DPP10: variants seen among roughly 807,000 people sequenced by gnomAD.
DPP10 encodes inactive dipeptidyl peptidase 10.
In DPP10, 33 loss-of-function variants were observed where a neutral mutation model predicts 120.9. The ratio of observed to expected loss-of-function variants is 0.27; its 90% CI spans 0.21 to 0.37. The LOEUF is 0.37. Among genes scored for constraint, DPP10 ranks in the 10% least tolerant of loss-of-function variants. The probability of loss-of-function intolerance (pLI) is 1.00; values close to 1 mark genes in which losing one functional copy is unlikely to be tolerated. For missense variants in DPP10, 816 were observed against 942.8 expected (o/e 0.87, Z 1.76); for synonymous variants, 337 against 326.1 (o/e 1.03, Z -0.36).
intron 1 of DPP10, chr2:115,064,641 T>C (rs1706693057): frequency 3.1e-6 from 4 of 1,277,008 alleles, no homozygotes; most frequent in East Asian, 1.1e-4. Context: ...TATATGTGAA[T>C]AGCAAAGTGT....
chr2:115,489,570 T>G (rs1244037394), intron 3 of DPP10, among the ~76,000 whole-genome samples: 1 of 150,946 alleles, frequency 6.6e-6, no homozygotes, highest in African/African-American at 2.4e-5. Context: ...AAGGCAAAGG[T>G]TAAGTCCCAT....
chr2:114,593,847 C>G (rs2105177428), intron 1 of DPP10, among the ~76,000 whole-genome samples: 1 of 152,214 alleles, frequency 6.6e-6, no homozygotes, highest in South Asian at 2.1e-4. Context: ...ATAGCATGCC[C>G]ACTTGCAACA....
rs541112437 is a variant in DPP10 at position 114,867,694 on chromosome 2, C to A, written c.60+424856C>A. Among the ~76,000 whole-genome samples, 7 of 152,352 alleles carry A rather than the reference C, an allele frequency of 4.6e-5. No individual in the cohort carries two copies. The East Asian group carries it at 9.6e-4, about 21-fold the overall frequency. On this transcript the variant is annotated intron_variant, in intron 1 of 25. Transcript: ENST00000410059. ...AGCTAAAGCTTGCTAAAACTGAAAC[C>A]ATTTTCATGCCTCCACGATGTCATG... is the stretch of plus-strand genomic sequence containing the variant.
intron 1 of DPP10, among the ~76,000 whole-genome samples, chr2:114,757,601 T>C (rs1044421750): frequency 2.0e-4 from 30 of 152,164 alleles, no homozygotes; most frequent in African/African-American, 7.0e-4. Flanking sequence ...GCAGCATTTT[T>C]AACTTACCAT....
intron 3 of DPP10, among the ~76,000 whole-genome samples, chr2:115,362,305 C>T (rs1034494521): frequency 5.9e-5 from 9 of 152,086 alleles, no homozygotes; most frequent in African/African-American, 1.9e-4. Context: ...GGCCAGATAC[C>T]ATGCTCTGCA....
intron 1 of DPP10, among the ~76,000 whole-genome samples, chr2:114,968,705 A>G (rs1464988365): frequency 3.3e-5 from 5 of 152,180 alleles, no homozygotes; most frequent in African/African-American, 7.2e-5. Flanking sequence ...TACTTATAAT[A>G]CTTTCATTTT....
intron 1 of DPP10, among the ~76,000 whole-genome samples, chr2:114,457,093 T>C (rs1678624552): frequency 6.6e-6 from 1 of 152,210 alleles, no homozygotes; most frequent in Admixed American, 6.5e-5. Flanking sequence ...GAGGATAGAC[T>C]TGGATATATA....
chr2:114,839,522 A>C (rs1687991657), intron 1 of DPP10, among the ~76,000 whole-genome samples: 1 of 152,202 alleles, frequency 6.6e-6, no homozygotes, highest in African/African-American at 2.4e-5. Flanking sequence ...CCATGAAGAA[A>C]ATAAACTCTG....
intron 1 of DPP10, among the ~76,000 whole-genome samples, chr2:114,570,758 G>A (rs1439267306): frequency 4.7e-5 from 7 of 150,476 alleles, no homozygotes; most frequent in South Asian, 2.1e-4. Flanking sequence ...ACATGAACCC[G>A]GGAGGCGGAG....
At chr2:115,679,870 G>T (rs1197008970) in intron 5 of DPP10, among the ~76,000 whole-genome samples, 2 of 151,690 alleles carry the variant, frequency 1.3e-5, no homozygotes, top group Non-Finnish European at 2.9e-5. Flanking sequence ...ATAGAAAGAG[G>T]TTTCATAAAG....
At chr2:114,458,387 A>G (rs78225531) in intron 1 of DPP10, among the ~76,000 whole-genome samples, 3,354 of 152,302 alleles carry the variant, frequency 0.022, 123 homozygotes, top group African/African-American at 0.075. Flanking sequence ...TTTGCCTGTC[A>G]TGAAATCTAA....
intron 4 of DPP10, among the ~76,000 whole-genome samples, chr2:115,501,827 G>A (rs941654629): frequency 5.9e-5 from 9 of 151,878 alleles, no homozygotes; most frequent in African/African-American, 2.2e-4. Flanking sequence ...TAATACTAAC[G>A]TTAGGCTAAA....
chr2:115,096,922 A>T (rs2104593673), intron 1 of DPP10, among the ~76,000 whole-genome samples: 1 of 152,304 alleles, frequency 6.6e-6, no homozygotes, highest in East Asian at 1.9e-4. Flanking sequence ...AAATCAATAA[A>T]CATCCATTTC....
In DPP10 at chr2:115,181,538, G is replaced by C. The variant is rs139857192; in HGVS notation, c.61-127701G>C. Among the ~76,000 whole-genome samples the C allele has an allele frequency of 1.3e-4, 20 of 152,156 alleles. No homozygotes were observed. In the East Asian group the frequency reaches 3.9e-3, roughly 29 times the overall value. ...CATGGGTAGTTTGAACTTCTTCATA[G>C]CATGGGTCCTAGCATCTCTTACCAG... is the stretch of plus-strand genomic sequence containing the variant. On this transcript the variant is annotated intron_variant, in intron 1 of 25. Coordinates refer to ENST00000410059, the MANE Select transcript of DPP10 (RefSeq NM_020868.6).
intron 1 of DPP10, among the ~76,000 whole-genome samples, chr2:114,494,932 GGA>G (rs1344647418): frequency 6.6e-6 from 1 of 152,090 alleles, no homozygotes; most frequent in Non-Finnish European, 1.5e-5. Context: ...TGGGGTCCCT[GGA>G]GAGAGTTCAT....
intron 1 of DPP10, among the ~76,000 whole-genome samples, chr2:115,026,403 C>T (rs1039506528): frequency 6.6e-6 from 1 of 152,090 alleles, no homozygotes; most frequent in African/African-American, 2.4e-5. Flanking sequence ...CAGTACCATA[C>T]AGATTAACTA....
At chr2:115,493,588 A>G (rs1269223625) in intron 3 of DPP10, among the ~76,000 whole-genome samples, 2 of 151,972 alleles carry the variant, frequency 1.3e-5, no homozygotes, top group East Asian at 1.9e-4. Context: ...AGGAAAGAGC[A>G]TATAGAAAAA....
At chr2:115,723,167 A>G (rs1218792734) in intron 7 of DPP10, among the ~76,000 whole-genome samples, 1 of 152,208 alleles carries the variant, frequency 6.6e-6, no homozygotes, top group East Asian at 1.9e-4. Flanking sequence ...AACCACCCCC[A>G]GTAATAAAAA....
intron 7 of DPP10, among the ~76,000 whole-genome samples, chr2:115,707,489 C>A (rs6744360): frequency 0.91 from 137,525 of 150,970 alleles, 64,108 homozygotes; most frequent in East Asian, 1. Flanking sequence ...TATTGGAATA[C>A]GAATATATCT....
Sources: gnomAD v4.1 joint callset for allele counts (sites outside exome capture counted in the v4.1 genomes callset) on GRCh38, gnomAD v4.1.1 for gene constraint, MANE v1.5 for transcripts, NCBI Gene and HGNC (gene_info 2026-07-23, HGNC 2026-07-21) for gene names.